Variants in KMT2C observed in about 807,000 individuals in gnomAD.
The protein encoded by KMT2C is histone-lysine N-methyltransferase 2C.
A neutral mutation model predicts 507.9 loss-of-function variants in KMT2C; 88 were observed. The observed-to-expected ratio is 0.17, with a 90% CI of 0.15 to 0.21. KMT2C has a LOEUF of 0.21. Among genes scored for constraint, KMT2C ranks in the 10% least tolerant of loss-of-function variants. The pLI, the probability that KMT2C is intolerant of heterozygous loss-of-function variation, is 1.00. For synonymous variants in KMT2C, 2,049 were observed against 2,080.8 expected (o/e 0.98, Z 0.42); for missense variants, 4,954 against 5,957.8 (o/e 0.83, Z 5.55).
chr7:152,274,912 T>C (rs2096054400), intron 6 of KMT2C, among the ~76,000 whole-genome samples: 1 of 152,198 alleles, frequency 6.6e-6, no homozygotes, highest in Non-Finnish European at 1.5e-5. Flanking sequence ...GGTGTTCCTA[T>C]ACATATACCA....
At chr7:152,412,216 C>A (rs1366580621) in intron 1 of KMT2C, among the ~76,000 whole-genome samples, 1 of 152,168 alleles carries the variant, frequency 6.6e-6, no homozygotes, top group Non-Finnish European at 1.5e-5. Flanking sequence ...GTCTGGCCAA[C>A]ATGGTGAAAC....
intron 3 of KMT2C, among the ~76,000 whole-genome samples, chr7:152,318,520 G>A (rs368750585): frequency 7.1e-6 from 1 of 140,588 alleles, no homozygotes; most frequent in African/African-American, 2.7e-5. Flanking sequence ...CCAGCTACTC[G>A]GGAGGCTGAG....
In KMT2C at chr7:152,177,950, A is replaced by C. The variant is rs771796740; in HGVS notation, c.7503T>G (p.Pro2501=). ...TMPSQERFLV[P]PQQIQGSGVS... is the part of the protein sequence containing the mutation. ...CTCCAGATCCCTGTATTTGCTGAGG[A>C]GGCACAAGGAAGCGCTCTTGACTCG... The change falls in exon 38 of 59, where the codon CCT becomes CCG. Residue 2501 remains proline, a synonymous_variant. Coordinates refer to ENST00000262189, the MANE Select transcript of KMT2C (RefSeq NM_170606.3). 29 of 1,531,822 alleles carry C rather than the reference A, an allele frequency of 1.9e-5. No individual in the cohort carries two copies. The highest frequency in any genetic ancestry group is 3.5e-4 in the Middle Eastern group (2 of 5,678). The allele number at this position is 1,531,822 out of a possible 1,614,324, so 94.9% of individuals were successfully genotyped here.
rs1459903795 is a variant in KMT2C at position 152,148,512 on chromosome 7, C to G, written c.13415G>C (p.Ser4472Thr). The change falls in exon 52 of 59, where the codon AGT becomes ACT. Residue 4472 changes from serine (S) to threonine (T), a missense_variant. Around this residue, in one of 29 missense-constraint regions of KMT2C, gnomAD observed 39 missense variants for 101.8 expected, o/e 0.38. Transcript: ENST00000262189. This position sits in a 1 kb window ranked among gnomAD's most constrained non-coding sequence, Gnocchi z 7.1. ...GGTGCATCGAAATCTGTGGCATCCA[C>G]TAGTGGCACCCGTCTTGTGACAGAA... is the stretch of plus-strand genomic sequence containing the variant. ...CVFCHKTGAT[S>T]GCHRFRCTNI... 3 of 1,614,150 alleles carry G rather than the reference C, an allele frequency of 1.9e-6. No individual in the cohort carries two copies. In the African/African-American group the frequency reaches 4.0e-5, roughly 22 times the overall value.
Position 152,182,450 on chromosome 7 carries a change from T to C in KMT2C, c.5410A>G (p.Ser1804Gly). The C allele has an allele frequency of 2.5e-6, 4 of 1,614,150 alleles. No homozygotes were observed. Among genetic ancestry groups the C allele is most frequent in the African/African-American group, 2.7e-5 (2 of 75,056 alleles). The change falls in exon 36 of 59, where the codon AGT becomes GGT. Residue 1804 changes from serine (S) to glycine (G), a missense_variant. Transcript: ENST00000262189. ...LVQSGSDTPS[S>G]GIQSPLTPQP... Reference sequence around the variant, plus strand: ...GGTGTCAAGGGACTCTGTATCCCACTACTTGGTGTATCTGAACCAGACTGC... The same window carrying C: ...GGTGTCAAGGGACTCTGTATCCCACCACTTGGTGTATCTGAACCAGACTGC...
At chr7:152,165,931 G>A (rs770895768) in intron 42 of KMT2C, among the ~76,000 whole-genome samples, 82 of 151,946 alleles carry the variant, frequency 5.4e-4, no homozygotes, top group Non-Finnish European at 8.8e-4. Flanking sequence ...CAGGTGATCC[G>A]CCTGTCTTGG....
intron 33 of KMT2C, among the ~76,000 whole-genome samples, chr7:152,186,460 C>T (rs912119465): frequency 1.4e-4 from 21 of 152,202 alleles, no homozygotes; most frequent in African/African-American, 4.8e-4. Context: ...CTGCATCAAA[C>T]CACTGATTTC....
At chr7:152,188,256 T>C (rs1456845817) in intron 31 of KMT2C, among the ~76,000 whole-genome samples, 1 of 152,200 alleles carries the variant, frequency 6.6e-6, no homozygotes, top group Non-Finnish European at 1.5e-5. Flanking sequence ...CTGTGATTAT[T>C]TCATTATTGT....
intron 23 of KMT2C, among the ~76,000 whole-genome samples, chr7:152,218,466 C>A (rs1012608663): frequency 6.6e-6 from 1 of 152,002 alleles, no homozygotes; most frequent in Admixed American, 6.5e-5. Context: ...CCACCGAGCC[C>A]GGCCACAAAT....
rs543395446 is a variant in KMT2C, at chr7:152,277,167, T to C, written c.850-3300A>G. 8.5e-3 allele frequency among the ~76,000 whole-genome samples: 1,302 copies of C among 152,352 alleles called. 17 individuals are homozygous for C. Among genetic ancestry groups the C allele is most frequent in the African/African-American group, 0.03 (1,255 of 41,582 alleles). ...AATTAATTATCCAGTATTTATTCTG[T>C]ACCAACTATAGCAATGGTTTTAGGC... On this transcript the variant is annotated intron_variant, in intron 6 of 58. Coordinates refer to ENST00000262189, the MANE Select transcript of KMT2C (RefSeq NM_170606.3).
intron 37 of KMT2C, among the ~76,000 whole-genome samples, chr7:152,178,328 TACTGG>T (rs905033267): frequency 5.9e-5 from 9 of 152,152 alleles, no homozygotes; most frequent in Non-Finnish European, 1.5e-5. Context: ...AGAACAATAC[TACTGG>T]ACTTTTTCAG....
chr7:152,141,546 T>A (rs1337970262), intron 55 of KMT2C, among the ~76,000 whole-genome samples: 1 of 142,372 alleles, frequency 7.0e-6, no homozygotes, highest in Admixed American at 7.0e-5. Flanking sequence ...CCATCTCTAC[T>A]TAAAAAAAAA....
rs577366173 is a variant in KMT2C, at chr7:152,243,605, A to C, written c.2532+4297T>G. Among the ~76,000 whole-genome samples the C allele has an allele frequency of 7.2e-5, 11 of 152,214 alleles. No homozygotes were observed. The East Asian group carries it at 1.7e-3, about 24-fold the overall frequency. On this transcript the variant is annotated intron_variant, in intron 14 of 58. Coordinates refer to ENST00000262189, the MANE Select transcript of KMT2C (RefSeq NM_170606.3). ...GAGACCAGCCTAACCAATATGGCGA[A>C]ACACCGTCTCTACTAAAAATATTTA...
At chr7:152,349,701 A>C (rs2097094768) in intron 2 of KMT2C, among the ~76,000 whole-genome samples, 1 of 152,084 alleles carries the variant, frequency 6.6e-6, no homozygotes, top group Non-Finnish European at 1.5e-5. Context: ...AGTGACTATG[A>C]TACTATAATG....
At chr7:152,429,312 T>A (rs924231363) in intron 1 of KMT2C, among the ~76,000 whole-genome samples, 1 of 152,160 alleles carries the variant, frequency 6.6e-6, no homozygotes, top group East Asian at 1.9e-4. Context: ...TTTACACTTG[T>A]AGATCATATG....
chr7:152,222,758 C>A, intron 20 of KMT2C, 76 bp from the exon 21 acceptor site: 1 of 796,472 alleles, frequency 1.3e-6, no homozygotes, highest in South Asian at 1.5e-5. Context: ...AAACCTGTAA[C>A]ACTGAGTCTT....
chr7:152,298,114 A>C (rs189369740), intron 6 of KMT2C, among the ~76,000 whole-genome samples: 1 of 152,328 alleles, frequency 6.6e-6, no homozygotes, highest in East Asian at 1.9e-4. Context: ...AAAGAAAAAA[A>C]AAATCTTAAA....
chr7:152,435,510 G>T, intron 1 of KMT2C, 116 bp downstream of exon 1: 1 of 386,940 alleles, frequency 2.6e-6, no homozygotes, highest in Non-Finnish European at 3.5e-6. Context: ...GGCCCGCCCC[G>T]CCCCCACCCC....
chr7:152,355,613 TAA>T (rs902069394), intron 2 of KMT2C, among the ~76,000 whole-genome samples: 5 of 151,674 alleles, frequency 3.3e-5, no homozygotes, highest in African/African-American at 1.2e-4. Context: ...AGTCAAGTTT[TAA>T]AAAAAAGTTT....
Sources: gnomAD v4.1 joint callset for allele counts (sites outside exome capture counted in the v4.1 genomes callset) on GRCh38, gnomAD v4.1.1 for gene constraint, gnomAD v4.1.1 regional missense constraint, Gnocchi (gnomAD v3.1) non-coding constraint, MANE v1.5 for transcripts, NCBI Gene and HGNC (gene_info 2026-07-23, HGNC 2026-07-21) for gene names.